Variants in KCNQ1 observed in about 807,000 individuals in gnomAD.
KCNQ1 encodes potassium voltage-gated channel subfamily Q member 1.
In KCNQ1, 49 loss-of-function variants were observed where a neutral mutation model predicts 72.4. The ratio of observed to expected loss-of-function variants is 0.68; its 90% confidence interval spans 0.54 to 0.86. The LOEUF (loss-of-function observed/expected upper bound fraction) is 0.86. Ranked by LOEUF, KCNQ1 falls within the 40% of genes least tolerant of loss-of-function variation. The pLI is 0.00. For synonymous variants in KCNQ1, 450 were observed against 412.6 expected, an observed-to-expected ratio of 1.09 and a Z score of -1.10; for missense variants, 790 against 945.1, an observed-to-expected ratio of 0.84 and a Z score of 2.15.
chr11:2,573,784 G>A (rs1848377176), intron 6 of KCNQ1, among the ~76,000 whole-genome samples: 1 of 152,224 alleles, frequency 6.6e-6, no homozygotes, highest in African/African-American at 2.4e-5. Flanking sequence ...GTCTTGGGCC[G>A]TGTCTGTGGG....
chr11:2,659,705 TTCCCACC>T lies in KCNQ1; in HGVS notation c.1394-2255_1394-2249del, dbSNP rs1849916022. 4 of 398,550 alleles carry T rather than the reference TTCCCACC, an allele frequency of 1.0e-5. No individual in the cohort carries two copies. The Admixed American group carries it at 1.3e-4, about 13-fold the overall frequency. The allele number at this position is 398,550 out of a possible 1,614,324, so 24.7% of individuals were successfully genotyped here. ...CCTAAAGTCACTGTGCCATTTTGCA[TTCCCACC>T]AGTAACATATGAGAGTTCTACATGT... On this transcript the variant is annotated intron_variant, in intron 10 of 15. Coordinates refer to ENST00000155840, the MANE Select transcript of KCNQ1 (RefSeq NM_000218.3). This position sits in a 1 kb window ranked among gnomAD's most constrained non-coding sequence, Gnocchi z 4.3.
At position 2,602,527 on chromosome 11, in the gene KCNQ1, T is replaced by C. The variant is rs1848822456; in HGVS notation, c.1393+13673T>C. On this transcript the variant is annotated intron_variant, in intron 10 of 15. Coordinates refer to ENST00000155840, the MANE Select transcript of KCNQ1 (RefSeq NM_000218.3). This position sits in a 1 kb window ranked among gnomAD's most constrained non-coding sequence, Gnocchi z 4.8. ...TCCAGAGTGACTGCACCATTTCACA[T>C]TCCCCATTCCTGCCAGCAAGGTCTA... 6.6e-6 allele frequency among the ~76,000 whole-genome samples: 1 copy of C among 152,246 alleles called. No individual in the cohort carries two copies. Among genetic ancestry groups the C allele is most frequent in the African/African-American group, 2.4e-5 (1 of 41,466 alleles).
chr11:2,525,569 C>A (rs535580149), intron 1 of KCNQ1, among the ~76,000 whole-genome samples: 1 of 152,302 alleles, frequency 6.6e-6, no homozygotes, highest in East Asian at 1.9e-4. Flanking sequence ...CAGAGAGCGT[C>A]CCTGGCTGGA....
chr11:2,840,623 A>C (rs1048557378), intron 15 of KCNQ1, among the ~76,000 whole-genome samples: 2 of 152,236 alleles, frequency 1.3e-5, no homozygotes, highest in African/African-American at 4.8e-5. Flanking sequence ...TGACCACGTG[A>C]AAAAGTGAAA....
At position 2,737,006 on chromosome 11, in the gene KCNQ1, C is replaced by G. The variant is rs567585489; in HGVS notation, c.1515-31838C>G. 2.6e-4 allele frequency among the ~76,000 whole-genome samples: 39 copies of G among 152,326 alleles called. No homozygotes were observed. In the South Asian group the frequency reaches 4.1e-3, roughly 16 times the overall value. On this transcript the variant is annotated intron_variant, in intron 11 of 15. Transcript: ENST00000155840. ...CCAAGACATCCTGAGTGCCCCTCGC[C>G]AGCACTCCCTGCTCGGGGATCCCAT...
rs554518844 is a variant in KCNQ1, at chr11:2,583,485, C to T, written c.972C>T (p.Val324=). The T allele has an allele frequency of 2.1e-4, 346 of 1,614,008 alleles. 2 individuals are homozygous for T. The South Asian group carries it at 3.4e-3, about 16-fold the overall frequency. Residue 324 remains valine, a synonymous_variant, in exon 7 of 16, where the codon GTC becomes GTT. Coordinates refer to ENST00000155840, the MANE Select transcript of KCNQ1 (RefSeq NM_000218.3). ...GGGACAAGGTGCCCCAGACGTGGGT[C>T]GGGAAGACCATCGCCTCCTGCTTCT... ...GYGDKVPQTW[V]GKTIASCFSV... is the part of the protein sequence containing the mutation.
Position 2,661,955 on chromosome 11 carries a change from C to G in KCNQ1, c.1394-6C>G. 1 of 1,614,194 alleles carries G rather than the reference C, an allele frequency of 6.2e-7. No individual in the cohort carries two copies. On this transcript the variant is annotated splice_region_variant and splice_polypyrimidine_tract_variant and intron_variant, in intron 10 of 15. Coordinates refer to ENST00000155840, the MANE Select transcript of KCNQ1 (RefSeq NM_000218.3). This position sits in a 1 kb window ranked among gnomAD's most constrained non-coding sequence, Gnocchi z 5.9. The stretch of plus-strand genomic sequence containing the variant: ...CTAACGTGCTGTCCCCACACTTTCT[C>G]CTCAGTAAGGAAGAGCCCAACACTG...
rs1846815873 is a variant in KCNQ1 at position 2,781,130 on chromosome 11, T to G, written c.1794+3093T>G. ...CTGCTTGTGTCCTTAGGGTCAAAAGTCACAAAAGCTGCCTCATGCCCTTTC... is the reference window on the plus strand; with the variant it reads ...CTGCTTGTGTCCTTAGGGTCAAAAGGCACAAAAGCTGCCTCATGCCCTTTC... On this transcript the variant is annotated intron_variant, in intron 15 of 15. Transcript: ENST00000155840. This position sits in a 1 kb window ranked among gnomAD's most constrained non-coding sequence, Gnocchi z 6.6. Among the ~76,000 whole-genome samples the G allele has an allele frequency of 6.6e-6, 1 of 152,128 alleles. No individual in the cohort carries two copies. Among genetic ancestry groups the G allele is most frequent in the Non-Finnish European group, 1.5e-5 (1 of 68,026 alleles).
intron 11 of KCNQ1, among the ~76,000 whole-genome samples, chr11:2,736,526 C>A (rs1202075301): frequency 1.3e-5 from 2 of 152,114 alleles, no homozygotes; most frequent in African/African-American, 4.8e-5. Context: ...GCGCTAGGTG[C>A]CAATGGCCCT....
In KCNQ1 at chr11:2,563,858, G is replaced by A. The variant is rs1014981132; in HGVS notation, c.478-6770G>A. Among the ~76,000 whole-genome samples, 1 of 152,210 alleles carries A rather than the reference G, an allele frequency of 6.6e-6. No individual in the cohort carries two copies. Among genetic ancestry groups the A allele is most frequent in the African/African-American group, 2.4e-5 (1 of 41,452 alleles). On this transcript the variant is annotated intron_variant, in intron 2 of 15. Transcript: ENST00000155840. This position sits in a 1 kb window ranked among gnomAD's most constrained non-coding sequence, Gnocchi z 7.4. ...GCATGCCATTTTGCAATTGACAAAT[G>A]GCTTGTGCTTAGCTATTTCGTTGAA...
chr11:2,600,058 C>G lies in KCNQ1; in HGVS notation c.1393+11204C>G, dbSNP rs1473773581. ...CTTTCCCGGCCGGCATTCCTGCCCA[C>G]CAGTCCTGGCAGAGTGACTTATTGT... On this transcript the variant is annotated intron_variant, in intron 10 of 15. Coordinates refer to ENST00000155840, the MANE Select transcript of KCNQ1 (RefSeq NM_000218.3). The surrounding 1 kb of genome is among the most constrained non-coding windows in gnomAD (Gnocchi z 5.6). Among the ~76,000 whole-genome samples, 6 of 152,074 alleles carry G rather than the reference C, an allele frequency of 3.9e-5. No individual in the cohort carries two copies. Among genetic ancestry groups the G allele is most frequent in the Non-Finnish European group, 8.8e-5 (6 of 68,036 alleles).
intron 15 of KCNQ1, among the ~76,000 whole-genome samples, chr11:2,792,876 C>T (rs567854450): frequency 1.3e-5 from 2 of 151,888 alleles, no homozygotes; most frequent in Non-Finnish European, 2.9e-5. Flanking sequence ...AGCACGCAGC[C>T]CCCTGCCCCT....
At chr11:2,680,176 G>C (rs1386810866) in intron 11 of KCNQ1, 1 of 392,382 alleles carries the variant, frequency 2.5e-6, no homozygotes, top group Non-Finnish European at 4.4e-6. Context: ...ACGGGCGTGA[G>C]CCAATGCACC....
rs769245088 is a variant in KCNQ1 at position 2,450,269 on chromosome 11, C to T, written c.386+4785C>T. Among the ~76,000 whole-genome samples the T allele has an allele frequency of 3.3e-5, 5 of 152,204 alleles. No homozygotes were observed. Among genetic ancestry groups the T allele is most frequent in the Non-Finnish European group, 7.3e-5 (5 of 68,034 alleles). On this transcript the variant is annotated intron_variant, in intron 1 of 15. Coordinates refer to ENST00000155840, the MANE Select transcript of KCNQ1 (RefSeq NM_000218.3). This position sits in a 1 kb window ranked among gnomAD's most constrained non-coding sequence, Gnocchi z 7.9. ...CCCAAGGGCGGTGATGCCAGGAGAA[C>T]ATTCCAGGCCCAGGAAGAGCTGAGA...
chr11:2,554,488 C>T (rs1225069724), intron 2 of KCNQ1, among the ~76,000 whole-genome samples: 1 of 152,204 alleles, frequency 6.6e-6, no homozygotes, highest in African/African-American at 2.4e-5. Context: ...GGTTTGCAGA[C>T]CTCTGAATGC....
At position 2,670,254 on chromosome 11, in the gene KCNQ1, G is replaced by A; in HGVS notation, c.1514+8173G>A. 1 of 398,546 alleles carries A rather than the reference G, an allele frequency of 2.5e-6. No individual in the cohort carries two copies. The highest frequency in any genetic ancestry group is 4.4e-6 in the Non-Finnish European group (1 of 226,064). 24.7% of individuals were successfully genotyped at this position (398,546 alleles called of 1,614,324 possible). A position where few individuals can be genotyped will look rare whatever the true frequency, so the allele number is the denominator to read the frequency against. ...TTGACCCTGCACATGACGGGCGAGG[G>A]AAGAGGACCATGGTAGCTTGTCTCT... On this transcript the variant is annotated intron_variant, in intron 11 of 15. Coordinates refer to ENST00000155840, the MANE Select transcript of KCNQ1 (RefSeq NM_000218.3). The surrounding 1 kb of genome is among the most constrained non-coding windows in gnomAD (Gnocchi z 4.9).
At chr11:2,459,295 G>T (rs1405042220) in intron 1 of KCNQ1, among the ~76,000 whole-genome samples, 1 of 152,212 alleles carries the variant, frequency 6.6e-6, no homozygotes, top group East Asian at 1.9e-4. Flanking sequence ...TGTGTGGCCT[G>T]CCTGGAGCTG....
Position 2,691,628 on chromosome 11 carries a change from G to T in KCNQ1, c.1514+29547G>T, listed in dbSNP as rs188979094. 2.5e-6 allele frequency: 1 copy of T among 398,568 alleles called. No individual in the cohort carries two copies. Among genetic ancestry groups the T allele is most frequent in the Non-Finnish European group, 4.4e-6 (1 of 226,058 alleles). The allele number at this position is 398,568 out of a possible 1,614,324, so 24.7% of individuals were successfully genotyped here. ...AGCTTGTTCCCTGCACGTACTGTGG[G>T]GAGGTCCTCTTTACCGCCACAGTTC... On this transcript the variant is annotated intron_variant, in intron 11 of 15. Coordinates refer to ENST00000155840, the MANE Select transcript of KCNQ1 (RefSeq NM_000218.3). This position sits in a 1 kb window ranked among gnomAD's most constrained non-coding sequence, Gnocchi z 6.4.
intron 6 of KCNQ1, among the ~76,000 whole-genome samples, chr11:2,576,905 G>A (rs1341555471): frequency 1.3e-5 from 2 of 152,174 alleles, no homozygotes; most frequent in African/African-American, 2.4e-5. Context: ...CTGGAGTTCC[G>A]TGCAAAGGGG....
Sources: gnomAD v4.1 joint callset for allele counts (sites outside exome capture counted in the v4.1 genomes callset) on GRCh38, gnomAD v4.1.1 for gene constraint, Gnocchi (gnomAD v3.1) non-coding constraint, MANE v1.5 for transcripts, NCBI Gene and HGNC (gene_info 2026-07-23, HGNC 2026-07-21) for gene names.